The following WDCP variants were observed in gnomAD, a reference collection of about 807,000 sequenced individuals.
WDCP encodes WD repeat and coiled coil containing, also known as WD repeat and coiled-coil-containing protein.
WDCP carries 19 observed loss-of-function variants against 41.6 expected under a neutral mutation model. The ratio of observed to expected loss-of-function variants is 0.46; its 90% CI spans 0.32 to 0.67. The LOEUF is 0.67. Ranked by LOEUF, WDCP falls within the 30% of genes least tolerant of loss-of-function variation. WDCP has a pLI of 0.04. For missense variants in WDCP, 802 were observed against 850.7 expected, an observed-to-expected ratio of 0.94 and a Z score of 0.71; for synonymous variants, 302 against 320.8, an observed-to-expected ratio of 0.94 and a Z score of 0.63.
intron 1 of WDCP, among the ~76,000 whole-genome samples, chr2:24,045,337 C>G (rs1279459693): frequency 6.6e-6 from 1 of 152,150 alleles, no homozygotes; most frequent in Non-Finnish European, 1.5e-5. Flanking sequence ...TGTGGTGCCT[C>G]ATGCCTGTAA....
chr2:24,032,506 A>AAAAC lies in WDCP; in HGVS notation c.1936+319_1936+322dup, dbSNP rs1288204758. Among the ~76,000 whole-genome samples, 10 of 152,220 alleles carry AAAAC rather than the reference A, an allele frequency of 6.6e-5. No homozygotes were observed. The East Asian group carries it at 7.7e-4, about 12-fold the overall frequency. The stretch of plus-strand genomic sequence containing the variant: ...TGGCAGAGCAAGACTCCATCTCCAA[A>AAAAC]AAACAAACAAACAAACAAACAAAAC... On this transcript the variant is annotated intron_variant, in intron 3 of 3. Transcript: ENST00000295148.
At chr2:24,035,165 T>G (rs1663205583) in intron 2 of WDCP, among the ~76,000 whole-genome samples, 1 of 151,742 alleles carries the variant, frequency 6.6e-6, no homozygotes, top group Non-Finnish European at 1.5e-5. Flanking sequence ...ATTTTTTTCC[T>G]CAACAAGTAT....
At chr2:24,041,191 T>C (rs758005476) in intron 1 of WDCP, among the ~76,000 whole-genome samples, 160 of 151,274 alleles carry the variant, frequency 1.1e-3, no homozygotes, top group Non-Finnish European at 2.0e-3. Flanking sequence ...ATACAAAAAT[T>C]AGCCGGGCAT....
At chr2:24,035,488 G>C (rs901953337) in intron 2 of WDCP, among the ~76,000 whole-genome samples, 1 of 151,910 alleles carries the variant, frequency 6.6e-6, no homozygotes, top group African/African-American at 2.4e-5. Context: ...ATACAGTTTT[G>C]CTTTTTAAAC....
intron 1 of WDCP, among the ~76,000 whole-genome samples, chr2:24,042,067 A>ATAAAATG (rs1446680953): frequency 6.6e-6 from 1 of 152,152 alleles, no homozygotes; most frequent in African/African-American, 2.4e-5. Flanking sequence ...GGATATAAGA[A>ATAAAATG]TAAAATGTTG....
chr2:24,043,007 T>C (rs1321696986), intron 1 of WDCP, among the ~76,000 whole-genome samples: 3 of 133,120 alleles, frequency 2.3e-5, no homozygotes, highest in Non-Finnish European at 4.7e-5. Flanking sequence ...CACTCCAGCC[T>C]GGGCAAAAAG....
In WDCP at chr2:24,032,857, A is replaced by C. The variant is rs752177669; in HGVS notation, c.1908T>G (p.Phe636Leu). Residue 636 changes from phenylalanine (F) to leucine (L), a missense_variant, in exon 3 of 4, where the codon TTT (phenylalanine) becomes TTG (leucine). Physicochemically the swap from Phe to Leu is conservative, Grantham distance 22. Coordinates refer to ENST00000295148, the MANE Select transcript of WDCP (RefSeq NM_025203.3). The stretch of plus-strand genomic sequence containing the variant: ...GTAGCATTTCAATGAGAGAAAGGCC[A>C]AAAGTCTGCTGAACTGTACTGAGCC... ...KLRLSTVQQT[F>L]GLSLIEMLHD... is the part of the protein sequence containing the mutation. The C allele has an allele frequency of 1.9e-6, 3 of 1,613,334 alleles. No individual in the cohort carries two copies. The highest frequency in any genetic ancestry group is 2.5e-6 in the Non-Finnish European group (3 of 1,179,270).
chr2:24,034,251 T>A (rs1416566943), intron 2 of WDCP, among the ~76,000 whole-genome samples: 2 of 152,094 alleles, frequency 1.3e-5, no homozygotes, highest in Non-Finnish European at 2.9e-5. Context: ...TGAAACCCCA[T>A]CTCTACTATA....
chr2:24,043,517 AC>A (rs1015004352), intron 1 of WDCP, among the ~76,000 whole-genome samples: 7 of 151,670 alleles, frequency 4.6e-5, no homozygotes, highest in Admixed American at 3.3e-4. Context: ...AAAACAAAAA[AC>A]CCCCCAACAA....
chr2:24,040,069 G>A (rs563985804), intron 1 of WDCP, among the ~76,000 whole-genome samples: 47 of 152,200 alleles, frequency 3.1e-4, no homozygotes, highest in African/African-American at 1.1e-3. Flanking sequence ...CCAAAGTGCT[G>A]GGATTATAGG....
Position 24,038,065 on chromosome 2 carries a change from C to G in WDCP, c.1430G>C (p.Gly477Ala), listed in dbSNP as rs562608184. 5.6e-6 allele frequency: 9 copies of G among 1,614,062 alleles called. 1 individual carries two copies. The African/African-American group carries it at 1.2e-4, about 22-fold the overall frequency. ...LSPDFCHQNK[G>A]LLLTVNTSSQ... ...ACTGGTATTAACTGTCAGCAACAGC[C>G]CTTTGTTTTGGTGACAAAAATCTGG... The change falls in exon 2 of 4, where the codon GGG becomes GCG. Residue 477 changes from glycine to alanine, a missense_variant. Around this residue, in one of 5 missense-constraint regions of WDCP, gnomAD observed 321 missense variants for 305.1 expected, o/e 1.05. Coordinates refer to ENST00000295148, the MANE Select transcript of WDCP (RefSeq NM_025203.3).
chr2:24,035,345 A>T (rs928423500), intron 2 of WDCP, among the ~76,000 whole-genome samples: 3 of 152,102 alleles, frequency 2.0e-5, no homozygotes, highest in Admixed American at 6.5e-5. Context: ...GGAAATAAAA[A>T]TACATAACTA....
rs757079877 is a variant in WDCP at position 24,038,713 on chromosome 2, T to C, written c.782A>G (p.Asp261Gly). The C allele has an allele frequency of 1.2e-5, 19 of 1,614,198 alleles. No individual in the cohort carries two copies. Among genetic ancestry groups the C allele is most frequent in the Non-Finnish European group, 1.4e-5 (17 of 1,180,000 alleles). The part of the protein sequence containing the change: ...LPVIGEVRSM[D>G]KEATDSETNS... ...TGTTTCAGAATCAGTTGCCTCTTTA[T>C]CCATAGAGCGTACTTCACCAATAAC... Residue 261 changes from aspartate (D) to glycine (G), a missense_variant, in exon 2 of 4, where the codon GAT becomes GGT. Physicochemically the swap from Asp to Gly is moderately conservative, Grantham distance 94. Coordinates refer to ENST00000295148, the MANE Select transcript of WDCP (RefSeq NM_025203.3).
intron 2 of WDCP, among the ~76,000 whole-genome samples, chr2:24,036,178 T>C (rs1663250896): frequency 6.6e-6 from 1 of 151,284 alleles, no homozygotes; most frequent in Non-Finnish European, 1.5e-5. Context: ...GAAAACTCCA[T>C]GTAGTTAATG....
chr2:24,037,732 G>C lies in WDCP; in HGVS notation c.1763C>G (p.Ser588Cys). The C allele has an allele frequency of 6.2e-7, 1 of 1,614,098 alleles. No homozygotes were observed. The highest frequency in any genetic ancestry group is 1.3e-5 in the African/African-American group (1 of 75,042). The change falls in exon 2 of 4, where the codon TCC becomes TGC. Residue 588 changes from serine to cysteine, a missense_variant. Coordinates refer to ENST00000295148, the MANE Select transcript of WDCP (RefSeq NM_025203.3). ...TTGAGAGAGTGGATACACTGAAGAG[G>C]ATTTCTTCCCATTATGCAGACGGTT... ...LTNRLHNGKK[S>C]SSVYPLSQDL...
chr2:24,032,895 C>A lies in WDCP; in HGVS notation c.1870G>T (p.Asp624Tyr). The stretch of plus-strand genomic sequence containing the variant: ...ACTGTACTGAGCCTTAGTTTACCAT[C>A]ACAGAGAAGCACCGCTCTTTTTTCA... ...VVEKRAVLLCDGKLRLSTVQQ... is the reference protein window; with the variant it reads ...VVEKRAVLLCYGKLRLSTVQQ... Residue 624 changes from aspartate to tyrosine, a missense_variant, in exon 3 of 4, where the codon GAT (aspartate) becomes TAT (tyrosine). By Grantham distance (160) the Asp-to-Tyr change is radical. Transcript: ENST00000295148. The A allele has an allele frequency of 6.8e-6, 11 of 1,613,874 alleles. No homozygotes were observed. Among genetic ancestry groups the A allele is most frequent in the Non-Finnish European group, 8.5e-6 (10 of 1,179,806 alleles).
intron 1 of WDCP, among the ~76,000 whole-genome samples, chr2:24,040,271 A>G (rs1209977854): frequency 6.6e-6 from 1 of 152,258 alleles, no homozygotes; most frequent in Non-Finnish European, 1.5e-5. Flanking sequence ...ACACACAGAA[A>G]GAAAACAAAT....
At chr2:24,032,140 G>A (rs1402066954) in intron 3 of WDCP, among the ~76,000 whole-genome samples, 1 of 152,216 alleles carries the variant, frequency 6.6e-6, no homozygotes, top group Non-Finnish European at 1.5e-5. Flanking sequence ...GGGAGGCCAA[G>A]GTGGACGGAT....
At chr2:24,046,735 A>G (rs1284336320) in intron 1 of WDCP, among the ~76,000 whole-genome samples, 1 of 152,196 alleles carries the variant, frequency 6.6e-6, no homozygotes, top group African/African-American at 2.4e-5. Flanking sequence ...CAAGAAAAAA[A>G]TTAAGAAGAG....
Sources: allele counts gnomAD v4.1 joint callset (sites outside exome capture counted in the v4.1 genomes callset), GRCh38; gene constraint gnomAD v4.1.1; regional missense constraint gnomAD v4.1.1; transcripts MANE v1.5; gene names NCBI Gene and HGNC (gene_info 2026-07-23, HGNC 2026-07-21).